The following IPO5 variants were observed in gnomAD, a reference collection of about 807,000 sequenced individuals.
IPO5 encodes importin-5.
In IPO5, 18 loss-of-function variants were observed where a neutral mutation model predicts 143.3. That is an observed-to-expected ratio of 0.13 (90% confidence interval 0.09 to 0.19). IPO5 has a LOEUF of 0.19. IPO5 is among the 10% of genes least tolerant of loss of function. The pLI is 1.00. For missense variants in IPO5, 1,013 were observed against 1,336.9 expected (o/e 0.76, Z 3.78); for synonymous variants, 477 against 465.7 (o/e 1.02, Z -0.31).
At chr13:98,021,360 A>G (rs1469156763) in intron 28 of IPO5, 1 of 397,482 alleles carries the variant, frequency 2.5e-6, no homozygotes, top group Non-Finnish European at 4.4e-6. Context: ...TGAGCTTACC[A>G]GTTGGTGCTT....
chr13:98,015,866 T>A (rs769999165), intron 24 of IPO5, 85 bp downstream of exon 24: 4 of 811,964 alleles, frequency 4.9e-6, no homozygotes, highest in Non-Finnish European at 8.1e-6. Context: ...TTTATGTGAC[T>A]TGTCATTCTG....
At chr13:98,020,958 T>C (rs1412114022) in intron 27 of IPO5, 34 bp from the exon 28 acceptor site, 7 of 1,560,786 alleles carry the variant, frequency 4.5e-6, no homozygotes, top group Non-Finnish European at 6.1e-6. Context: ...TCCTTATAAA[T>C]TTCACTTACT....
Position 97,985,534 on chromosome 13 carries a change from G to A in IPO5, c.285G>A (p.Met95Ile). 1 of 1,614,000 alleles carries A rather than the reference G, an allele frequency of 6.2e-7. No homozygotes were observed. Among genetic ancestry groups the A allele is most frequent in the South Asian group, 1.1e-5 (1 of 91,072 alleles). The change falls in exon 6 of 29, where the codon ATG becomes ATA. Residue 95 changes from methionine to isoleucine, a missense_variant. Around this residue, in one of 2 missense-constraint regions of IPO5, gnomAD observed 328 missense variants for 342.0 expected, o/e 0.96. Transcript: ENST00000651721. ...CTGCCATCAAGAGTGAGCTACTCAT[G>A]ATTATTCAGATGGAAACACAATCTA... is the stretch of plus-strand genomic sequence containing the variant. ...VQTAIKSELL[M>I]IIQMETQSSM...
chr13:97,969,930 C>G (rs1885682507), intron 3 of IPO5, 100 bp downstream of exon 3: 1 of 848,340 alleles, frequency 1.2e-6, no homozygotes, highest in Non-Finnish European at 1.9e-6. Context: ...AACTCCTGGT[C>G]TCAGGCAATC....
chr13:98,018,773 T>C (rs1726152623), intron 26 of IPO5, 69 bp downstream of exon 26: 5 of 1,121,108 alleles, frequency 4.5e-6, no homozygotes, highest in South Asian at 1.4e-5. Flanking sequence ...TTACTCTCTT[T>C]ACCACACTCC....
At chr13:98,005,169 T>C (rs1889117818) in intron 16 of IPO5, among the ~76,000 whole-genome samples, 1 of 150,512 alleles carries the variant, frequency 6.6e-6, no homozygotes, top group African/African-American at 2.4e-5. Context: ...AGTGCTGGGA[T>C]TACAGGTGTG....
At chr13:97,972,166 G>A (rs567659864) in intron 3 of IPO5, among the ~76,000 whole-genome samples, 2 of 152,248 alleles carry the variant, frequency 1.3e-5, no homozygotes, top group Non-Finnish European at 2.9e-5. Context: ...AGAGACCCGA[G>A]ACAACTTAAA....
At chr13:97,987,666 A>AT (rs1887483741) in intron 6 of IPO5, among the ~76,000 whole-genome samples, 1 of 151,854 alleles carries the variant, frequency 6.6e-6, no homozygotes, top group Non-Finnish European at 1.5e-5. Flanking sequence ...TAATTTTTGT[A>AT]TTTTTTTAGT....
At chr13:97,986,355 T>C (rs1053111608) in intron 6 of IPO5, among the ~76,000 whole-genome samples, 2 of 150,232 alleles carry the variant, frequency 1.3e-5, no homozygotes, top group Non-Finnish European at 3.0e-5. Flanking sequence ...ACTATGTATA[T>C]ATATATTTTT....
intron 16 of IPO5, among the ~76,000 whole-genome samples, 187 bp from the exon 17 acceptor site, chr13:98,005,943 A>G (rs1475861085): frequency 1.3e-5 from 2 of 152,238 alleles, no homozygotes; most frequent in Non-Finnish European, 2.9e-5. Flanking sequence ...AAAATCTCAC[A>G]TAAATAGTTC....
intron 26 of IPO5, 53 bp downstream of exon 26, chr13:98,018,757 C>A: frequency 7.5e-7 from 1 of 1,329,722 alleles, no homozygotes; most frequent in Non-Finnish European, 1.1e-6. Flanking sequence ...CCTGTGAATC[C>A]CTACTTTACT....
At chr13:97,959,171 CAA>C (rs776169471) in intron 2 of IPO5, among the ~76,000 whole-genome samples, 14 of 126,604 alleles carry the variant, frequency 1.1e-4, no homozygotes, top group Non-Finnish European at 1.7e-4. Flanking sequence ...GACTGTGTCT[CAA>C]AAAAAAAAAA....
chr13:97,969,175 A>ATATATATATTTTT (rs1234384302), intron 2 of IPO5, among the ~76,000 whole-genome samples: 14 of 43,908 alleles, frequency 3.2e-4, no homozygotes, highest in Non-Finnish European at 3.2e-4. Flanking sequence ...ATATATATAT[A>ATATATATATTTTT]TTTTTTTTTT....
rs775150809 is a variant in IPO5 at position 98,002,866 on chromosome 13, G to A, written c.1326G>A (p.Val442=). The change falls in exon 16 of 29, where the codon GTG becomes GTA. Residue 442 remains valine (V), a splice_region_variant and synonymous_variant. Coordinates refer to ENST00000651721, the MANE Select transcript of IPO5 (RefSeq NM_002271.6). The part of the protein sequence containing the change: ...PGFQKKFHEK[V]IAALLQTMED... ...GCCCATTTGGTTTCATTTCACAGGT[G>A]ATTGCAGCTCTGCTGCAGACCATGG... The A allele has an allele frequency of 3.5e-5, 57 of 1,609,794 alleles. No individual in the cohort carries two copies. Among genetic ancestry groups the A allele is most frequent in the Middle Eastern group, 1.7e-4 (1 of 6,030 alleles).
chr13:97,974,530 G>C (rs894451054), intron 3 of IPO5, among the ~76,000 whole-genome samples: 3 of 151,406 alleles, frequency 2.0e-5, no homozygotes, highest in Non-Finnish European at 4.4e-5. Flanking sequence ...GGCTCGTCTC[G>C]AACTCCTGAC....
At chr13:97,975,848 T>C (rs779354519) in intron 3 of IPO5, 3 of 918,170 alleles carry the variant, frequency 3.3e-6, no homozygotes, top group Non-Finnish European at 3.9e-6. Context: ...ACGGGCGGCC[T>C]GGCGGGACAG....
chr13:97,967,929 C>T (rs1885492243), intron 2 of IPO5, among the ~76,000 whole-genome samples: 1 of 152,152 alleles, frequency 6.6e-6, no homozygotes, highest in African/African-American at 2.4e-5. Context: ...CCGCACCCGG[C>T]TCAAAGTATT....
At chr13:98,017,502 G>C (rs7983384) in intron 25 of IPO5, among the ~76,000 whole-genome samples, 12,565 of 151,732 alleles carry the variant, frequency 0.083, 1,446 homozygotes, top group African/African-American at 0.26. Flanking sequence ...GTTTCACCAT[G>C]TTGACCAGGC....
chr13:97,965,357 A>T (rs887517418), intron 2 of IPO5, among the ~76,000 whole-genome samples: 4 of 152,204 alleles, frequency 2.6e-5, no homozygotes, highest in Non-Finnish European at 5.9e-5. Flanking sequence ...GAAAAATTAA[A>T]AAAAAATCAG....
Sources: gnomAD v4.1 joint callset for allele counts (sites outside exome capture counted in the v4.1 genomes callset) on GRCh38, gnomAD v4.1.1 for gene constraint, gnomAD v4.1.1 regional missense constraint, MANE v1.5 for transcripts, NCBI Gene and HGNC (gene_info 2026-07-23, HGNC 2026-07-21) for gene names.